ZC3H7A: variants seen among roughly 807,000 people sequenced by gnomAD.
The protein encoded by ZC3H7A is zinc finger CCCH domain-containing protein 7A.
A neutral mutation model predicts 125.5 loss-of-function variants in ZC3H7A; 44 were observed. The ratio of observed to expected loss-of-function variants is 0.35; its 90% CI spans 0.28 to 0.45. ZC3H7A has a LOEUF of 0.45. ZC3H7A is among the 20% of genes least tolerant of loss of function. The pLI is 1.00. For synonymous variants in ZC3H7A, 399 were observed against 391.2 expected, an observed-to-expected ratio of 1.02 and a Z score of -0.23; for missense variants, 977 against 1,170.7, an observed-to-expected ratio of 0.83 and a Z score of 2.41.
Position 11,774,411 on chromosome 16 carries a change from G to C in ZC3H7A, c.728C>G (p.Thr243Ser), listed in dbSNP as rs146528075. The change falls in exon 9 of 23, where the codon ACT becomes AGT. Residue 243 changes from threonine (T) to serine (S), a missense_variant. By Grantham distance (58) the Thr-to-Ser change is moderately conservative. Around this residue, in one of 3 missense-constraint regions of ZC3H7A, gnomAD observed 342 missense variants for 311.3 expected, o/e 1.10. Coordinates refer to ENST00000355758, the MANE Select transcript of ZC3H7A (RefSeq NM_014153.4). ...ELASVPVMPL[T>S]SILPLQVEES... The stretch of plus-strand genomic sequence containing the variant: ...TTCCACTTGTAGTGGCAAAATAGAA[G>C]TTAAGGGCATAACAGGAACTGAGGC... 575 of 1,613,284 alleles carry C rather than the reference G, an allele frequency of 3.6e-4. 1 individual carries two copies. The highest frequency in any genetic ancestry group is 4.7e-4 in the Non-Finnish European group (556 of 1,179,570).
intron 1 of ZC3H7A, among the ~76,000 whole-genome samples, chr16:11,783,307 G>A (rs1440108951): frequency 6.6e-6 from 1 of 152,080 alleles, no homozygotes; most frequent in African/African-American, 2.4e-5. Context: ...TATAACACTT[G>A]CAAATGTCAA....
At chr16:11,774,620 CAATTATAAAAATAA>C (rs1176709446) in intron 8 of ZC3H7A, 101 bp from the exon 9 acceptor site, 38 of 1,303,122 alleles carry the variant, frequency 2.9e-5, no homozygotes, top group Non-Finnish European at 4.1e-6. Flanking sequence ...AATATGAAGG[CAATTATAAAAATAA>C]TAAAATTGAC....
chr16:11,780,014 G>A (rs1426799403), intron 3 of ZC3H7A, among the ~76,000 whole-genome samples: 1 of 151,904 alleles, frequency 6.6e-6, no homozygotes, highest in Non-Finnish European at 1.5e-5. Context: ...GGAGGGGGAT[G>A]TTAAACTTTT....
intron 9 of ZC3H7A, among the ~76,000 whole-genome samples, chr16:11,774,027 T>C (rs191787307): frequency 1.9e-4 from 29 of 152,236 alleles, no homozygotes; most frequent in African/African-American, 5.5e-4. Flanking sequence ...TGGAAAAAAA[T>C]TGGCTAATTA....
rs116116704 is a variant in ZC3H7A, at chr16:11,781,867, G to A, written c.69-403C>T. ...AAGGAACAAAGAGGCCCTTCTGCCC[G>A]GACATGTCCATCCAAACCACAGCTG... is the stretch of plus-strand genomic sequence containing the variant. On this transcript the variant is annotated intron_variant, in intron 2 of 22. Coordinates refer to ENST00000355758, the MANE Select transcript of ZC3H7A (RefSeq NM_014153.4). Among the ~76,000 whole-genome samples the A allele has an allele frequency of 7.6e-3, 1,149 of 152,108 alleles. 15 individuals are homozygous for A. The highest frequency in any genetic ancestry group is 0.026 in the African/African-American group (1,085 of 41,498).
intron 18 of ZC3H7A, 140 bp downstream of exon 18, chr16:11,761,770 C>G: frequency 8.2e-7 from 1 of 1,215,354 alleles, no homozygotes; most frequent in South Asian, 1.5e-5. Context: ...AAATCTCTTC[C>G]CTTGTGTCTG....
chr16:11,769,050 C>T lies in ZC3H7A; in HGVS notation c.1154G>A (p.Ser385Asn), dbSNP rs771896143. ...ACTTACAAGTAAAAGGGAAGAATTA[C>T]TGTTGTTAAGCGGTGTTCCCTCTCT... ...TSREGTPLNN[S>N]NSSLLLMNGP... is the part of the protein sequence containing the mutation. Residue 385 changes from serine to asparagine, a missense_variant, in exon 11 of 23, where the codon AGT becomes AAT. This residue lies in a region of ZC3H7A where 342 missense variants were observed against 311.3 expected (regional missense o/e 1.10). Coordinates refer to ENST00000355758, the MANE Select transcript of ZC3H7A (RefSeq NM_014153.4). 13 of 1,609,322 alleles carry T rather than the reference C, an allele frequency of 8.1e-6. No individual in the cohort carries two copies. The African/African-American group carries it at 1.7e-4, about 22-fold the overall frequency.
chr16:11,753,452 TA>T (rs1318363150), intron 21 of ZC3H7A, among the ~76,000 whole-genome samples: 6 of 152,216 alleles, frequency 3.9e-5, no homozygotes, highest in African/African-American at 1.4e-4. Context: ...TTTATTACTT[TA>T]TTTTTTTAGA....
intron 1 of ZC3H7A, among the ~76,000 whole-genome samples, chr16:11,794,182 G>T (rs901771660): frequency 6.6e-6 from 1 of 152,142 alleles, no homozygotes; most frequent in Non-Finnish European, 1.5e-5. Flanking sequence ...ACCCAAGACC[G>T]CCAGCCGATG....
intron 17 of ZC3H7A, 70 bp from the exon 18 acceptor site, chr16:11,762,113 A>C (rs2052762570): frequency 3.5e-6 from 5 of 1,429,018 alleles, no homozygotes; most frequent in Non-Finnish European, 4.7e-6. Context: ...AAAATACTAA[A>C]TCAAGATGCA....
intron 15 of ZC3H7A, among the ~76,000 whole-genome samples, chr16:11,764,185 G>C (rs1346633771): frequency 6.6e-6 from 1 of 152,158 alleles, no homozygotes; most frequent in African/African-American, 2.4e-5. Flanking sequence ...GGCCAAGACG[G>C]GTGGATCACC....
At chr16:11,782,209 T>C in intron 2 of ZC3H7A, 78 bp downstream of exon 2, 2 of 1,517,992 alleles carry the variant, frequency 1.3e-6, no homozygotes. Flanking sequence ...GACTAAAGAG[T>C]TCTTCCTCTC....
intron 7 of ZC3H7A, 28 bp downstream of exon 7, chr16:11,776,292 A>C: frequency 6.3e-7 from 1 of 1,581,056 alleles, no homozygotes. Context: ...AAAAAAAAAT[A>C]TAATTTTGAC....
chr16:11,780,274 C>A (rs906843692), intron 3 of ZC3H7A, among the ~76,000 whole-genome samples: 4 of 151,952 alleles, frequency 2.6e-5, no homozygotes, highest in African/African-American at 9.7e-5. Flanking sequence ...GCACCTGCCA[C>A]CACACTCGGC....
intron 7 of ZC3H7A, 21 bp from the exon 8 acceptor site, chr16:11,775,034 T>C: frequency 1.9e-6 from 3 of 1,613,430 alleles, no homozygotes; most frequent in South Asian, 1.1e-5. Context: ...AACCAAACAA[T>C]GGGTTATAAT....
chr16:11,767,377 C>T (rs2052878396), intron 13 of ZC3H7A, 40 bp downstream of exon 13: 1 of 1,396,726 alleles, frequency 7.2e-7, no homozygotes, highest in East Asian at 2.4e-5. Flanking sequence ...TAGTTCATCA[C>T]TTATGTAATG....
chr16:11,757,394 G>C (rs1329979285), intron 20 of ZC3H7A, among the ~76,000 whole-genome samples: 1 of 146,776 alleles, frequency 6.8e-6, no homozygotes, highest in Non-Finnish European at 1.5e-5. Flanking sequence ...TGAGGCAGGA[G>C]AATGGTGTGA....
chr16:11,790,053 C>G (rs957190162), intron 1 of ZC3H7A, among the ~76,000 whole-genome samples: 3 of 143,820 alleles, frequency 2.1e-5, no homozygotes, highest in African/African-American at 7.8e-5. Context: ...TGCATTCCAC[C>G]TGAACCACAG....
rs200430131 is a variant in ZC3H7A, at chr16:11,779,353, C to A, written c.119G>T (p.Arg40Leu). 82 of 1,609,252 alleles carry A rather than the reference C, an allele frequency of 5.1e-5. No individual in the cohort carries two copies. In the East Asian group the frequency reaches 1.7e-3, roughly 32 times the overall value. ...ATTAAAAAGATTTCTCACGAGAGCA[C>A]GCAAATATACCTAAAAAAAAGAAAG... Reference protein sequence around the residue: ...GTQEQYAVYLRALVRNLFNEG... With the variant: ...GTQEQYAVYLLALVRNLFNEG... Residue 40 changes from arginine (R) to leucine (L), a missense_variant, in exon 4 of 23, where the codon CGT (arginine) becomes CTT (leucine). By Grantham distance (102) the Arg-to-Leu change is moderately radical. Around this residue, in one of 3 missense-constraint regions of ZC3H7A, gnomAD observed 199 missense variants for 256.1 expected, o/e 0.78. Transcript: ENST00000355758.
Sources: gnomAD v4.1 joint callset for allele counts (sites outside exome capture counted in the v4.1 genomes callset) on GRCh38, gnomAD v4.1.1 for gene constraint, gnomAD v4.1.1 regional missense constraint, MANE v1.5 for transcripts, NCBI Gene and HGNC (gene_info 2026-07-23, HGNC 2026-07-21) for gene names.